Variants in NPC1L1 observed in about 807,000 individuals in gnomAD.
NPC1L1 encodes NPC1-like intracellular cholesterol transporter 1.
NPC1L1 carries 98 observed loss-of-function variants against 117.0 expected under a neutral mutation model. The observed-to-expected ratio is 0.84, with a 90% CI of 0.71 to 0.99. The LOEUF is 0.99. Among genes scored for constraint, NPC1L1 ranks in the 50% least tolerant of loss-of-function variants. The probability of loss-of-function intolerance (pLI) is 0.00; values close to 1 mark genes in which losing one functional copy is unlikely to be tolerated. For synonymous variants in NPC1L1, 729 were observed against 727.6 expected, an observed-to-expected ratio of 1.00 and a Z score of -0.03; for missense variants, 1,540 against 1,710.0, an observed-to-expected ratio of 0.90 and a Z score of 1.75.
At chr7:44,535,281 T>C (rs987197323) in intron 5 of NPC1L1, among the ~76,000 whole-genome samples, 11 of 151,694 alleles carry the variant, frequency 7.3e-5, no homozygotes, top group Admixed American at 7.2e-4. Context: ...AGGACAATTG[T>C]TGAACCCAGG....
At chr7:44,540,460 G>A (rs1013638915) in intron 1 of NPC1L1, 118 bp from the exon 2 acceptor site, 11 of 875,080 alleles carry the variant, frequency 1.3e-5, no homozygotes, top group South Asian at 7.1e-5. Flanking sequence ...AGGGAAGCGG[G>A]GAGTGTGGGG....
At chr7:44,516,980 C>A (rs751696999) in intron 15 of NPC1L1, 46 bp from the exon 16 acceptor site, 8 of 1,572,716 alleles carry the variant, frequency 5.1e-6, no homozygotes, top group Non-Finnish European at 6.1e-6. Flanking sequence ...CTCTGGGGCC[C>A]TCATGGTGGG....
Position 44,539,499 on chromosome 7 carries a change from T to C in NPC1L1, c.898A>G (p.Ile300Val). 6.2e-7 allele frequency: 1 copy of C among 1,613,632 alleles called. No individual in the cohort carries two copies. Among genetic ancestry groups the C allele is most frequent in the Non-Finnish European group, 8.5e-7 (1 of 1,179,692 alleles). Reference protein sequence around the residue: ...ILCSVFAVVTILLVGFRVAPA... With the variant: ...ILCSVFAVVTVLLVGFRVAPA... ...GCCACACGGAATCCCACAAGCAGGA[T>C]GGTGACCACAGCGAAGACAGAGCAG... The change falls in exon 2 of 19, where the codon ATC becomes GTC. Residue 300 changes from isoleucine to valine, a missense_variant. Around this residue, in one of 3 missense-constraint regions of NPC1L1, gnomAD observed 793 missense variants for 820.4 expected, o/e 0.97. Coordinates refer to ENST00000381160, the MANE Select transcript of NPC1L1 (RefSeq NM_001101648.2). This position sits in a 1 kb window ranked among gnomAD's most constrained non-coding sequence, Gnocchi z 4.4.
rs1801881503 is a variant in NPC1L1, at chr7:44,536,129, C to T, written c.1854+127G>A. On this transcript the variant is annotated intron_variant, in intron 4 of 18. Transcript: ENST00000381160. This position sits in a 1 kb window ranked among gnomAD's most constrained non-coding sequence, Gnocchi z 4.7. ...CTATAAGAACAGCCATCACAATCAC[C>T]CCGTTCTGAGCAGGCAGCCACTGCC... The T allele has an allele frequency of 6.5e-7, 1 of 1,541,952 alleles. No individual in the cohort carries two copies. Among genetic ancestry groups the T allele is most frequent in the Non-Finnish European group, 8.9e-7 (1 of 1,117,998 alleles).
intron 10 of NPC1L1, among the ~76,000 whole-genome samples, chr7:44,530,312 T>C (rs1801658503): frequency 6.6e-6 from 1 of 152,166 alleles, no homozygotes; most frequent in African/African-American, 2.4e-5. Flanking sequence ...CACTCCAGCC[T>C]GGGCAACAAG....
Position 44,540,302 on chromosome 7 carries a change from T to C in NPC1L1, c.95A>G (p.Tyr32Cys), listed in dbSNP as rs771261524. 2 of 1,613,700 alleles carry C rather than the reference T, an allele frequency of 1.2e-6. No homozygotes were observed. Among genetic ancestry groups the C allele is most frequent in the Admixed American group, 1.7e-5 (1 of 60,000 alleles). ...EPYTTIHQPGYCAFYDECGKN... is the reference protein window; with the variant it reads ...EPYTTIHQPGCCAFYDECGKN... ...CCCACATTCGTCATAGAAGGCGCAG[T>C]AGCCAGGCTGGTGGATGGTTGTGTA... The change falls in exon 2 of 19, where the codon TAC becomes TGC. Residue 32 changes from tyrosine (Y) to cysteine (C), a missense_variant. By Grantham distance (194) the Tyr-to-Cys change is radical. This residue lies in a region of NPC1L1 where 793 missense variants were observed against 820.4 expected (regional missense o/e 0.97). Coordinates refer to ENST00000381160, the MANE Select transcript of NPC1L1 (RefSeq NM_001101648.2).
intron 12 of NPC1L1, among the ~76,000 whole-genome samples, chr7:44,521,359 G>A (rs759103833): frequency 4.6e-5 from 7 of 152,200 alleles, no homozygotes; most frequent in Non-Finnish European, 1.0e-4. Flanking sequence ...CCCCACAAAG[G>A]CCTCTCCACC....
At chr7:44,517,909 A>G (rs1051306227) in intron 14 of NPC1L1, among the ~76,000 whole-genome samples, 1 of 152,024 alleles carries the variant, frequency 6.6e-6, no homozygotes, top group African/African-American at 2.4e-5. Flanking sequence ...TGAGGTCAGG[A>G]GTTCAAGACC....
chr7:44,522,242 C>T lies in NPC1L1; in HGVS notation c.2638G>A (p.Asp880Asn), dbSNP rs756520296. 3.1e-6 allele frequency: 5 copies of T among 1,612,096 alleles called. No individual in the cohort carries two copies. The highest frequency in any genetic ancestry group is 1.7e-4 in the Middle Eastern group (1 of 6,056). ...GLDQELALPK[D>N]SYLLDYFLFL... is the part of the protein sequence containing the mutation. Reference sequence around the variant, plus strand: ...AGGAAATAGTCAAGCAGGTACGAGTCCTAGGAGTGGAGGAGGGTCAGTGAG... The same window carrying T: ...AGGAAATAGTCAAGCAGGTACGAGTTCTAGGAGTGGAGGAGGGTCAGTGAG... Residue 880 changes from aspartate (D) to asparagine (N), a missense_variant and splice_region_variant, in exon 11 of 19, where the codon GAC (aspartate) becomes AAC (asparagine). Around this residue, in one of 3 missense-constraint regions of NPC1L1, gnomAD observed 742 missense variants for 873.6 expected, o/e 0.85. Transcript: ENST00000381160.
intron 10 of NPC1L1, among the ~76,000 whole-genome samples, chr7:44,528,391 C>A (rs1801590105): frequency 6.6e-6 from 1 of 152,210 alleles, no homozygotes; most frequent in Non-Finnish European, 1.5e-5. Flanking sequence ...AGGCATAAGC[C>A]ACCATGGCTA....
In NPC1L1 at chr7:44,541,203, C is replaced by G; in HGVS notation, c.54+3G>C. On this transcript the variant is annotated splice_donor_region_variant and intron_variant, in intron 1 of 18. Transcript: ENST00000381160. ...GGAGGTGGAGCCAAGCCCTGGGACT[C>G]ACCAAGCGCAGGAGCAGGGCCCACA... The G allele has an allele frequency of 6.5e-7, 1 of 1,549,728 alleles. No homozygotes were observed. Among genetic ancestry groups the G allele is most frequent in the Non-Finnish European group, 8.7e-7 (1 of 1,146,802 alleles).
chr7:44,522,044 G>A lies in NPC1L1; in HGVS notation c.2828+8C>T, dbSNP rs1306858726. ...TAGGCTGGGGTTTGGGGCGGGCCAG[G>A]AACTCACTGCTCAGGGAACTCTGTG... On this transcript the variant is annotated splice_region_variant and intron_variant, in intron 11 of 18. Coordinates refer to ENST00000381160, the MANE Select transcript of NPC1L1 (RefSeq NM_001101648.2). 6.2e-7 allele frequency: 1 copy of A among 1,613,620 alleles called. No homozygotes were observed. Among genetic ancestry groups the A allele is most frequent in the South Asian group, 1.1e-5 (1 of 90,976 alleles).
chr7:44,525,957 G>A (rs1801502840), intron 10 of NPC1L1, among the ~76,000 whole-genome samples: 1 of 151,738 alleles, frequency 6.6e-6, no homozygotes, highest in Admixed American at 6.6e-5. Flanking sequence ...CCTGAGGTCA[G>A]GAGTTTGAGA....
chr7:44,518,657 G>A, intron 14 of NPC1L1: 1 of 1,142,080 alleles, frequency 8.8e-7, no homozygotes, highest in South Asian at 1.4e-5. Flanking sequence ...TGACAGAATG[G>A]CAACTGTGTC....
chr7:44,518,921 T>C (rs759594513), intron 14 of NPC1L1, among the ~76,000 whole-genome samples: 3 of 152,088 alleles, frequency 2.0e-5, no homozygotes, highest in Non-Finnish European at 4.4e-5. Flanking sequence ...GGCTGAGAAC[T>C]TGCGTTTCTT....
chr7:44,518,403 C>A (rs1801253444), intron 14 of NPC1L1, among the ~76,000 whole-genome samples: 1 of 151,984 alleles, frequency 6.6e-6, no homozygotes, highest in South Asian at 2.1e-4. Flanking sequence ...CTCCTGACCT[C>A]AAGTGATTCG....
chr7:44,527,681 T>TTAAA (rs1337626265), intron 10 of NPC1L1, among the ~76,000 whole-genome samples: 1 of 151,912 alleles, frequency 6.6e-6, no homozygotes, highest in African/African-American at 2.4e-5. Context: ...CTCTGCCTCT[T>TTAAA]TAAATAAATA....
chr7:44,522,456 T>C (rs964065690), intron 10 of NPC1L1, among the ~76,000 whole-genome samples: 3 of 152,000 alleles, frequency 2.0e-5, no homozygotes, highest in Non-Finnish European at 4.4e-5. Flanking sequence ...CACTCAGAGA[T>C]ATACACGTAG....
At position 44,539,423 on chromosome 7, in the gene NPC1L1, A is replaced by T; in HGVS notation, c.974T>A (p.Leu325His). The part of the protein sequence containing the change: ...KMVDPKKGTS[L>H]SDKLSFSTHT... ...GGTGGAGAAGCTGAGCTTGTCAGAG[A>T]GGCTGGTGCCCTTCTTGGGGTCCAC... is the stretch of plus-strand genomic sequence containing the variant. Residue 325 changes from leucine to histidine, a missense_variant, in exon 2 of 19, where the codon CTC (leucine) becomes CAC (histidine). This residue lies in a region of NPC1L1 where 793 missense variants were observed against 820.4 expected (regional missense o/e 0.97). Coordinates refer to ENST00000381160, the MANE Select transcript of NPC1L1 (RefSeq NM_001101648.2). The surrounding 1 kb of genome is among the most constrained non-coding windows in gnomAD (Gnocchi z 4.4). The T allele has an allele frequency of 1.2e-6, 2 of 1,614,058 alleles. No individual in the cohort carries two copies. Among genetic ancestry groups the T allele is most frequent in the Non-Finnish European group, 1.7e-6 (2 of 1,179,978 alleles).
Sources: gnomAD v4.1 joint callset for allele counts (sites outside exome capture counted in the v4.1 genomes callset) on GRCh38, gnomAD v4.1.1 for gene constraint, gnomAD v4.1.1 regional missense constraint, Gnocchi (gnomAD v3.1) non-coding constraint, MANE v1.5 for transcripts, NCBI Gene and HGNC (gene_info 2026-07-23, HGNC 2026-07-21) for gene names.